The following MDFIC variants were observed in gnomAD, a reference collection of about 807,000 sequenced individuals.
MDFIC encodes MyoD family inhibitor domain containing, also known as myoD family inhibitor domain-containing protein.
MDFIC carries 17 observed loss-of-function variants against 23.2 expected under a neutral mutation model. The ratio of observed to expected loss-of-function variants is 0.73; its 90% CI spans 0.50 to 1.10. The LOEUF is 1.10. Among genes scored for constraint, MDFIC ranks in the 50% least tolerant of loss-of-function variants. The probability of loss-of-function intolerance (pLI) is 0.00; values close to 1 mark genes in which losing one functional copy is unlikely to be tolerated. For synonymous variants in MDFIC, 120 were observed against 115.2 expected (o/e 1.04, Z -0.27); for missense variants, 356 against 316.6 (o/e 1.12, Z -0.95).
chr7:115,017,521 A>C lies in MDFIC; in HGVS notation c.*1586A>C, dbSNP rs1282255938. The C allele has an allele frequency of 6.6e-6, 1 of 152,332 alleles. No homozygotes were observed. Among genetic ancestry groups the C allele is most frequent in the Non-Finnish European group, 1.5e-5 (1 of 67,892 alleles). The allele number at this position is 152,332 out of a possible 1,614,324, so 9.4% of individuals were successfully genotyped here. A position where few individuals can be genotyped will look rare whatever the true frequency, so the allele number is the denominator to read the frequency against. ...AACCATTCTTTTCAATGCAGAAGAA[A>C]TCTAGATATCCCCTACTGTGACCAA... On this transcript the variant is annotated 3_prime_UTR_variant, in exon 5 of 5. Transcript: ENST00000393486.
At chr7:114,944,535 A>G (rs1412709569) in intron 3 of MDFIC, among the ~76,000 whole-genome samples, 2 of 152,162 alleles carry the variant, frequency 1.3e-5, no homozygotes, top group African/African-American at 4.8e-5. Flanking sequence ...AACTGACTCA[A>G]TTCTGGATAG....
At chr7:114,994,691 G>A (rs979234625) in intron 4 of MDFIC, among the ~76,000 whole-genome samples, 1 of 152,172 alleles carries the variant, frequency 6.6e-6, no homozygotes, top group Non-Finnish European at 1.5e-5. Context: ...ACTCTCTTCT[G>A]GCTTGTAAAG....
At chr7:114,970,685 T>C (rs1031512420) in intron 3 of MDFIC, among the ~76,000 whole-genome samples, 2 of 152,200 alleles carry the variant, frequency 1.3e-5, no homozygotes, top group African/African-American at 4.8e-5. Flanking sequence ...TGGATGAGCC[T>C]GGAGTTTCAG....
At chr7:115,010,095 C>T (rs760050229) in intron 4 of MDFIC, among the ~76,000 whole-genome samples, 5 of 152,130 alleles carry the variant, frequency 3.3e-5, no homozygotes, top group Non-Finnish European at 7.4e-5. Flanking sequence ...TGATTCCTGA[C>T]TGCAAGCCAC....
chr7:115,001,245 G>A (rs1791461462), intron 4 of MDFIC, among the ~76,000 whole-genome samples: 1 of 152,206 alleles, frequency 6.6e-6, no homozygotes, highest in Non-Finnish European at 1.5e-5. Context: ...TGGGGGAAAT[G>A]TGACTATAAT....
intron 4 of MDFIC, among the ~76,000 whole-genome samples, chr7:115,012,282 C>T (rs1022067657): frequency 3.3e-5 from 5 of 152,082 alleles, no homozygotes; most frequent in Non-Finnish European, 7.4e-5. Context: ...ATGCTGAACA[C>T]TCATTTCAAA....
chr7:114,923,350 C>G lies in MDFIC; in HGVS notation c.94+223C>G, dbSNP rs370850777. 2.7e-5 allele frequency: 34 copies of G among 1,260,032 alleles called. No individual in the cohort carries two copies. In the African/African-American group the frequency reaches 3.0e-4, roughly 11 times the overall value. The allele number at this position is 1,260,032 out of a possible 1,614,324, so 78.1% of individuals were successfully genotyped here. On this transcript the variant is annotated intron_variant, in intron 2 of 4. Transcript: ENST00000393486. ...GGGAACCGTTGGTCCCTCCACTCCC[C>G]CTTCCTTTGGTTGCGAAGAAACAGG...
intron 4 of MDFIC, among the ~76,000 whole-genome samples, chr7:115,001,981 A>G (rs1053586840): frequency 6.6e-6 from 1 of 152,098 alleles, no homozygotes; most frequent in Non-Finnish European, 1.5e-5. Context: ...TACTAAAAAT[A>G]CAAAAATTAG....
At chr7:114,996,186 G>A (rs1245160747) in intron 4 of MDFIC, among the ~76,000 whole-genome samples, 3 of 152,120 alleles carry the variant, frequency 2.0e-5, no homozygotes, top group Non-Finnish European at 1.5e-5. Flanking sequence ...TGGACTACAG[G>A]TACACAAGGT....
chr7:114,964,180 T>C (rs992686345), intron 3 of MDFIC, among the ~76,000 whole-genome samples: 5 of 152,192 alleles, frequency 3.3e-5, no homozygotes, highest in African/African-American at 1.2e-4. Flanking sequence ...ATGAATACAT[T>C]TGACATTGTC....
At chr7:114,992,747 T>C (rs1791204677) in intron 4 of MDFIC, among the ~76,000 whole-genome samples, 1 of 152,206 alleles carries the variant, frequency 6.6e-6, no homozygotes, top group Admixed American at 6.5e-5. Flanking sequence ...TGGATTCGGT[T>C]TGCCAGTATT....
At chr7:114,983,670 C>A (rs187694269) in intron 4 of MDFIC, among the ~76,000 whole-genome samples, 1 of 145,540 alleles carries the variant, frequency 6.9e-6, no homozygotes, top group African/African-American at 2.5e-5. Context: ...CGAATTCAAG[C>A]GATTCGCCTG....
intron 4 of MDFIC, among the ~76,000 whole-genome samples, chr7:115,008,984 G>A (rs144351595): frequency 3.0e-4 from 46 of 152,280 alleles, no homozygotes; most frequent in East Asian, 1.2e-3. Flanking sequence ...GCTCTGTGGC[G>A]TTGATGTTAA....
chr7:114,931,401 G>A (rs1792306079), intron 2 of MDFIC, among the ~76,000 whole-genome samples: 1 of 152,046 alleles, frequency 6.6e-6, no homozygotes, highest in Non-Finnish European at 1.5e-5. Context: ...GGTAGTTTCA[G>A]GAATAAAGTC....
chr7:114,933,273 T>C (rs1792361203), intron 2 of MDFIC, among the ~76,000 whole-genome samples: 1 of 125,274 alleles, frequency 8.0e-6, no homozygotes, highest in Non-Finnish European at 1.7e-5. Flanking sequence ...TTTTTTTTCC[T>C]TTTGAGACGG....
chr7:114,963,471 G>C (rs1793033199), intron 3 of MDFIC, among the ~76,000 whole-genome samples: 1 of 152,112 alleles, frequency 6.6e-6, no homozygotes, highest in Non-Finnish European at 1.5e-5. Context: ...TCAGATCTTT[G>C]TTGAAATGCC....
chr7:114,927,949 A>T (rs912913109), intron 2 of MDFIC, among the ~76,000 whole-genome samples: 3 of 149,862 alleles, frequency 2.0e-5, no homozygotes, highest in African/African-American at 4.9e-5. Flanking sequence ...TTGGTTTAAA[A>T]CACTTTTTGA....
In MDFIC at chr7:114,952,344, G is replaced by C. The variant is rs1002358802; in HGVS notation, c.217+9947G>C. On this transcript the variant is annotated intron_variant, in intron 3 of 4. Transcript: ENST00000393486. ...TCCAAGGCTCAGTACAGCGTGTAGGGGTCCGTCAGAATGAGAGGGGCTGGT... is the reference window on the plus strand; with the variant it reads ...TCCAAGGCTCAGTACAGCGTGTAGGCGTCCGTCAGAATGAGAGGGGCTGGT... 7.9e-5 allele frequency among the ~76,000 whole-genome samples: 12 copies of C among 152,244 alleles called. 1 individual carries two copies. Among genetic ancestry groups the C allele is most frequent in the Admixed American group, 5.9e-4 (9 of 15,298 alleles).
chr7:114,944,907 C>T (rs1792615545), intron 3 of MDFIC, among the ~76,000 whole-genome samples: 1 of 152,202 alleles, frequency 6.6e-6, no homozygotes, highest in Non-Finnish European at 1.5e-5. Flanking sequence ...AAGCGGACAG[C>T]TGGCTCTCAC....
Sources: allele counts gnomAD v4.1 joint callset (sites outside exome capture counted in the v4.1 genomes callset), GRCh38; gene constraint gnomAD v4.1.1; transcripts MANE v1.5; gene names NCBI Gene and HGNC (gene_info 2026-07-23, HGNC 2026-07-21).